The following MARCHF11 variants were observed in gnomAD, a reference collection of about 807,000 sequenced individuals.
MARCHF11 encodes the protein membrane associated ring-CH-type finger 11, also known as E3 ubiquitin-protein ligase MARCHF11.
Under a neutral mutation model 37.3 loss-of-function variants are expected in MARCHF11, and 29 were observed. The ratio of observed to expected loss-of-function variants is 0.78; its 90% confidence interval spans 0.58 to 1.06. The LOEUF (loss-of-function observed/expected upper bound fraction) is 1.06, where lower values mean the gene tolerates loss of function less well. Among genes scored for constraint, MARCHF11 ranks in the 50% least tolerant of loss-of-function variants. The pLI is 0.00. For missense variants in MARCHF11, 482 were observed against 533.4 expected, an observed-to-expected ratio of 0.90 and a Z score of 0.95; for synonymous variants, 233 against 228.0, an observed-to-expected ratio of 1.02 and a Z score of -0.20.
chr5:16,126,180 C>T (rs527997475), intron 2 of MARCHF11, among the ~76,000 whole-genome samples: 1 of 152,226 alleles, frequency 6.6e-6, no homozygotes, highest in African/African-American at 2.4e-5. Context: ...AAGAATCCAT[C>T]ACTGCAACAT....
chr5:16,075,833 G>A (rs1736507193), intron 3 of MARCHF11, among the ~76,000 whole-genome samples: 3 of 152,188 alleles, frequency 2.0e-5, no homozygotes, highest in South Asian at 2.1e-4. Context: ...TGGGGGTAAC[G>A]GTGGTGAGGG....
Position 16,080,980 on chromosome 5 carries a change from CT to C in MARCHF11, c.886+9908del, listed in dbSNP as rs1365059775. Among the ~76,000 whole-genome samples, 3 of 152,278 alleles carry C rather than the reference CT, an allele frequency of 2.0e-5. No individual in the cohort carries two copies. The East Asian group carries it at 5.8e-4, about 29-fold the overall frequency. On this transcript the variant is annotated intron_variant, in intron 3 of 3. Coordinates refer to ENST00000332432, the MANE Select transcript of MARCHF11 (RefSeq NM_001102562.3). ...CTTACTGCTATGCCTCAACAAACAT[CT>C]TTTGTTCTTCCCATACCAGATTTCA...
chr5:16,121,561 T>C (rs1737309495), intron 2 of MARCHF11, among the ~76,000 whole-genome samples: 1 of 152,218 alleles, frequency 6.6e-6, no homozygotes, highest in Non-Finnish European at 1.5e-5. Flanking sequence ...GAGCCTACTC[T>C]AGATTCGTTA....
intron 3 of MARCHF11, among the ~76,000 whole-genome samples, chr5:16,071,717 T>C (rs745721903): frequency 1.4e-4 from 21 of 152,158 alleles, no homozygotes; most frequent in Non-Finnish European, 2.2e-4. Context: ...AAATGTATGA[T>C]CAAATACAAA....
Position 16,119,194 on chromosome 5 carries a change from C to T in MARCHF11, c.694-28113G>A, listed in dbSNP as rs535898481. Among the ~76,000 whole-genome samples the T allele has an allele frequency of 9.2e-5, 14 of 152,064 alleles. No individual in the cohort carries two copies. The East Asian group carries it at 2.5e-3, about 27-fold the overall frequency. On this transcript the variant is annotated intron_variant, in intron 2 of 3. Transcript: ENST00000332432. Reference sequence around the variant, plus strand: ...CCTGGCCAACATGGTGAAAACCCATCTCCACTAAAAATACAAAAATTAGCC... The same window carrying T: ...CCTGGCCAACATGGTGAAAACCCATTTCCACTAAAAATACAAAAATTAGCC...
intron 2 of MARCHF11, among the ~76,000 whole-genome samples, chr5:16,155,116 C>T (rs1001397800): frequency 6.6e-6 from 1 of 151,696 alleles, no homozygotes; most frequent in African/African-American, 2.4e-5. Context: ...TAAATTCATT[C>T]TAAAGAATAT....
chr5:16,150,404 A>G (rs929140704), intron 2 of MARCHF11, among the ~76,000 whole-genome samples: 1 of 149,342 alleles, frequency 6.7e-6, no homozygotes, highest in Admixed American at 6.6e-5. Flanking sequence ...AATCCACCTT[A>G]GAAACATAGT....
At chr5:16,071,224 C>T (rs1247288797) in intron 3 of MARCHF11, among the ~76,000 whole-genome samples, 2 of 152,150 alleles carry the variant, frequency 1.3e-5, no homozygotes, top group African/African-American at 4.8e-5. Flanking sequence ...GCAATGATCA[C>T]TTCTATAAAA....
In MARCHF11 at chr5:16,067,403, T is replaced by C. The variant is rs1579669276; in HGVS notation, c.*68A>G. On this transcript the variant is annotated 3_prime_UTR_variant, in exon 4 of 4. Coordinates refer to ENST00000332432, the MANE Select transcript of MARCHF11 (RefSeq NM_001102562.3). The stretch of plus-strand genomic sequence containing the variant: ...ATGTGTTTTTAGAAGTGCTATGGTT[T>C]TGCCATTCACTGCAATTACATTGCA... The C allele has an allele frequency of 7.1e-7, 1 of 1,416,472 alleles. No individual in the cohort carries two copies. Among genetic ancestry groups the C allele is most frequent in the East Asian group, 2.3e-5 (1 of 43,352 alleles). The allele number at this position is 1,416,472 out of a possible 1,614,324, so 87.7% of individuals were successfully genotyped here.
chr5:16,092,851 T>C (rs1260996114), intron 2 of MARCHF11, among the ~76,000 whole-genome samples: 1 of 152,268 alleles, frequency 6.6e-6, no homozygotes, highest in Admixed American at 6.5e-5. Flanking sequence ...CCTAGTTTAC[T>C]GACATAATTT....
intron 2 of MARCHF11, among the ~76,000 whole-genome samples, chr5:16,101,038 A>G (rs1022082505): frequency 2.6e-5 from 4 of 152,162 alleles, no homozygotes; most frequent in African/African-American, 7.2e-5. Flanking sequence ...TACAGAGTCC[A>G]CAGAAGAAAT....
chr5:16,179,662 G>T lies in MARCHF11; in HGVS notation c.-87C>A. On this transcript the variant is annotated 5_prime_UTR_variant, in exon 1 of 4. Coordinates refer to ENST00000332432, the MANE Select transcript of MARCHF11 (RefSeq NM_001102562.3). ...AAGAGAGCGCGGAGGGGGCGGGAGG[G>T]AGAGGGGAAAAGGAGGGAGGGGGCC... 1 of 839,968 alleles carries T rather than the reference G, an allele frequency of 1.2e-6. No individual in the cohort carries two copies. The highest frequency in any genetic ancestry group is 1.4e-6 in the Non-Finnish European group (1 of 695,142). The allele number at this position is 839,968 out of a possible 1,614,324, so 52.0% of individuals were successfully genotyped here. A position where few individuals can be genotyped will look rare whatever the true frequency, so the allele number is the denominator to read the frequency against.
At chr5:16,071,357 G>A (rs1412435825) in intron 3 of MARCHF11, among the ~76,000 whole-genome samples, 4 of 152,134 alleles carry the variant, frequency 2.6e-5, no homozygotes, top group Admixed American at 6.6e-5. Context: ...TGTGTGGTTC[G>A]TTGGTTGGTT....
At chr5:16,146,619 A>T (rs545922212) in intron 2 of MARCHF11, among the ~76,000 whole-genome samples, 1 of 152,186 alleles carries the variant, frequency 6.6e-6, no homozygotes, top group East Asian at 1.9e-4. Context: ...AGCTCCAAGG[A>T]CTGAAGACCT....
At chr5:16,074,281 A>G (rs969041162) in intron 3 of MARCHF11, among the ~76,000 whole-genome samples, 1 of 152,210 alleles carries the variant, frequency 6.6e-6, no homozygotes, top group Non-Finnish European at 1.5e-5. Flanking sequence ...CATAGCATTA[A>G]ATGCCTACAT....
intron 2 of MARCHF11, among the ~76,000 whole-genome samples, chr5:16,118,664 C>T (rs1737259403): frequency 6.6e-6 from 1 of 152,118 alleles, no homozygotes; most frequent in African/African-American, 2.4e-5. Flanking sequence ...CTAAACTACA[C>T]TAAGCCGTCA....
intron 2 of MARCHF11, among the ~76,000 whole-genome samples, chr5:16,152,597 C>T (rs944218928): frequency 3.9e-5 from 6 of 151,944 alleles, no homozygotes; most frequent in African/African-American, 7.2e-5. Flanking sequence ...TTTAGAGACA[C>T]AAATGGAGCC....
intron 2 of MARCHF11, among the ~76,000 whole-genome samples, chr5:16,151,787 C>T (rs1379829244): frequency 1.3e-5 from 2 of 151,202 alleles, no homozygotes; most frequent in East Asian, 1.9e-4. Flanking sequence ...CTCTTAACTT[C>T]GTCAAAAAAT....
chr5:16,102,269 T>C (rs956290354), intron 2 of MARCHF11, among the ~76,000 whole-genome samples: 1 of 152,132 alleles, frequency 6.6e-6, no homozygotes, highest in African/African-American at 2.4e-5. Context: ...TTGCCTCAGT[T>C]CTTGGTTAAA....
Sources: allele counts gnomAD v4.1 joint callset (sites outside exome capture counted in the v4.1 genomes callset), GRCh38; gene constraint gnomAD v4.1.1; transcripts MANE v1.5; gene names NCBI Gene and HGNC (gene_info 2026-07-23, HGNC 2026-07-21).